The following ZMAT4 variants were observed in gnomAD, a reference collection of about 807,000 sequenced individuals.
The protein encoded by ZMAT4 is zinc finger matrin-type 4.
Under a neutral mutation model 28.7 loss-of-function variants are expected in ZMAT4, and 17 were observed. The observed-to-expected ratio is 0.59, with a 90% confidence interval of 0.41 to 0.89. The LOEUF (loss-of-function observed/expected upper bound fraction) is 0.89, where lower values mean the gene tolerates loss of function less well. ZMAT4 is among the 40% of genes least tolerant of loss of function. The pLI is 0.00. For synonymous variants in ZMAT4, 117 were observed against 109.2 expected (o/e 1.07, Z -0.44); for missense variants, 240 against 283.8 (o/e 0.85, Z 1.11).
At chr8:40,893,029 A>G (rs1261106179) in intron 1 of ZMAT4, among the ~76,000 whole-genome samples, 3 of 152,036 alleles carry the variant, frequency 2.0e-5, no homozygotes, top group Non-Finnish European at 4.4e-5. Context: ...TCTTCCTCAT[A>G]CCTAATCTAA....
At chr8:40,538,547 T>G (rs909593631) in intron 6 of ZMAT4, among the ~76,000 whole-genome samples, 1 of 152,182 alleles carries the variant, frequency 6.6e-6, no homozygotes, top group Non-Finnish European at 1.5e-5. Context: ...TTTAAATATT[T>G]TACAGAGTTT....
At chr8:40,773,078 A>G (rs1813447649) in intron 2 of ZMAT4, among the ~76,000 whole-genome samples, 1 of 152,238 alleles carries the variant, frequency 6.6e-6, no homozygotes, top group African/African-American at 2.4e-5. Context: ...TGCAGACAAG[A>G]CAAATAGAAA....
chr8:40,555,122 TC>T (rs1803491200), intron 6 of ZMAT4, among the ~76,000 whole-genome samples: 2 of 152,182 alleles, frequency 1.3e-5, no homozygotes, highest in African/African-American at 2.4e-5. Context: ...ATGAGTTCCA[TC>T]AATGTTGCTG....
At chr8:40,599,523 G>T (rs1358051290) in intron 5 of ZMAT4, among the ~76,000 whole-genome samples, 1 of 152,086 alleles carries the variant, frequency 6.6e-6, no homozygotes, top group Non-Finnish European at 1.5e-5. Flanking sequence ...AGTATTTAAG[G>T]GGTCTTCTCC....
chr8:40,874,541 C>G (rs897618131), intron 1 of ZMAT4, among the ~76,000 whole-genome samples: 1 of 152,244 alleles, frequency 6.6e-6, no homozygotes, highest in East Asian at 1.9e-4. Context: ...CAGAGAAGAG[C>G]AGTCCCTAAA....
At chr8:40,820,947 ATG>A (rs1815795767) in intron 2 of ZMAT4, among the ~76,000 whole-genome samples, 1 of 28,292 alleles carries the variant, frequency 3.5e-5, no homozygotes, top group South Asian at 1.1e-3. Context: ...GGGGGCATAT[ATG>A]TGTGTGTCTG....
chr8:40,745,991 G>T lies in ZMAT4; in HGVS notation c.192+21650C>A, dbSNP rs571257608. On this transcript the variant is annotated intron_variant, in intron 3 of 6. Coordinates refer to ENST00000297737, the MANE Select transcript of ZMAT4 (RefSeq NM_024645.3). ...CACACTCCTAGTTTTCCTCCTACCT[G>T]CCTGTTTCTTCCAGATCTCCTTGGT... Among the ~76,000 whole-genome samples, 13 of 152,144 alleles carry T rather than the reference G, an allele frequency of 8.5e-5. No homozygotes were observed. In the South Asian group the frequency reaches 1.9e-3, roughly 22 times the overall value.
At chr8:40,838,199 C>A (rs918477676) in intron 1 of ZMAT4, among the ~76,000 whole-genome samples, 1 of 152,222 alleles carries the variant, frequency 6.6e-6, no homozygotes, top group African/African-American at 2.4e-5. Flanking sequence ...CCGTTCTTCA[C>A]GCCTTTTAGC....
At chr8:40,764,480 T>C (rs930130664) in intron 3 of ZMAT4, among the ~76,000 whole-genome samples, 4 of 152,188 alleles carry the variant, frequency 2.6e-5, no homozygotes, top group African/African-American at 9.7e-5. Context: ...TTCGAGTTCC[T>C]ATGAATGGGG....
At chr8:40,808,177 C>T (rs1400119642) in intron 2 of ZMAT4, among the ~76,000 whole-genome samples, 3 of 152,216 alleles carry the variant, frequency 2.0e-5, no homozygotes, top group South Asian at 2.1e-4. Context: ...AATAACAGCC[C>T]ACAGGGCAGA....
intron 3 of ZMAT4, among the ~76,000 whole-genome samples, chr8:40,721,765 C>T (rs1296145739): frequency 6.6e-6 from 1 of 151,898 alleles, no homozygotes; most frequent in East Asian, 1.9e-4. Context: ...TTTTTGGCTG[C>T]ATAAATGTCT....
At chr8:40,643,577 C>T (rs1229536167) in intron 5 of ZMAT4, among the ~76,000 whole-genome samples, 2 of 152,022 alleles carry the variant, frequency 1.3e-5, no homozygotes, top group African/African-American at 4.8e-5. Flanking sequence ...CCATCACAAA[C>T]TCCGTCCAGA....
At chr8:40,688,678 C>T (rs140765730) in intron 4 of ZMAT4, among the ~76,000 whole-genome samples, 1 of 152,230 alleles carries the variant, frequency 6.6e-6, no homozygotes, top group East Asian at 1.9e-4. Context: ...TCTCTGAAGG[C>T]TGGTAAAGTG....
intron 5 of ZMAT4, among the ~76,000 whole-genome samples, chr8:40,620,342 T>C (rs192246026): frequency 2.0e-5 from 3 of 152,332 alleles, no homozygotes; most frequent in African/African-American, 4.8e-5. Context: ...AGAAGACGCT[T>C]TCTTCCATCC....
chr8:40,567,136 C>T (rs764212225), intron 6 of ZMAT4, among the ~76,000 whole-genome samples: 6 of 151,926 alleles, frequency 3.9e-5, no homozygotes, highest in Admixed American at 1.3e-4. Flanking sequence ...CACCAGAGGC[C>T]GTAGATAGAA....
chr8:40,690,081 G>GCC (rs1267356701), intron 4 of ZMAT4, among the ~76,000 whole-genome samples: 1 of 151,978 alleles, frequency 6.6e-6, no homozygotes, highest in East Asian at 1.9e-4. Context: ...TCTAATCATT[G>GCC]CCCCAAGCTT....
At chr8:40,547,407 C>A (rs931321674) in intron 6 of ZMAT4, among the ~76,000 whole-genome samples, 3 of 152,186 alleles carry the variant, frequency 2.0e-5, no homozygotes, top group Admixed American at 2.0e-4. Context: ...TCTATGAAAG[C>A]ATTTCACTGT....
At chr8:40,631,021 T>C (rs1380474891) in intron 5 of ZMAT4, among the ~76,000 whole-genome samples, 1 of 152,218 alleles carries the variant, frequency 6.6e-6, no homozygotes, top group Non-Finnish European at 1.5e-5. Flanking sequence ...GTGTGTCCTT[T>C]ACACTTACGG....
At chr8:40,801,347 A>ATATATATATATATATAT (rs1174640469) in intron 2 of ZMAT4, among the ~76,000 whole-genome samples, 16 of 48,576 alleles carry the variant, frequency 3.3e-4, no homozygotes, top group African/African-American at 1.4e-3. Context: ...TCTTTAAAAA[A>ATATATATATATATATAT]AAAAATATAT....
Sources: allele counts gnomAD v4.1 joint callset (sites outside exome capture counted in the v4.1 genomes callset), GRCh38; gene constraint gnomAD v4.1.1; transcripts MANE v1.5; gene names NCBI Gene and HGNC (gene_info 2026-07-23, HGNC 2026-07-21).